Variants in DENND4C observed in about 807,000 individuals in gnomAD.
DENND4C encodes DENN domain containing 4C.
Under a neutral mutation model 203.0 loss-of-function variants are expected in DENND4C, and 108 were observed. That is an observed-to-expected ratio of 0.53 (90% confidence interval 0.46 to 0.62). The LOEUF (loss-of-function observed/expected upper bound fraction) is 0.62. Ranked by LOEUF, DENND4C falls within the 20% of genes least tolerant of loss-of-function variation. DENND4C has a pLI of 0.00. For synonymous variants in DENND4C, 871 were observed against 792.4 expected, an observed-to-expected ratio of 1.10 and a Z score of -1.67; for missense variants, 2,481 against 2,301.2, an observed-to-expected ratio of 1.08 and a Z score of -1.60.
At chr9:19,291,338 T>G (rs1836251767) in intron 5 of DENND4C, 1 of 153,056 alleles carries the variant, frequency 6.5e-6, no homozygotes, top group Non-Finnish European at 1.5e-5. Flanking sequence ...ATGAATAGAT[T>G]GGGAAAAGAA....
chr9:19,320,516 G>T (rs1563800508), intron 12 of DENND4C, among the ~76,000 whole-genome samples: 1 of 152,124 alleles, frequency 6.6e-6, no homozygotes, highest in African/African-American at 2.4e-5. Context: ...TTGAATTCTG[G>T]CATGTATTTT....
chr9:19,235,600 AAG>A (rs1416362966), intron 1 of DENND4C, among the ~76,000 whole-genome samples: 2 of 146,460 alleles, frequency 1.4e-5, no homozygotes, highest in African/African-American at 2.5e-5. Context: ...TGGTTTACAG[AAG>A]AGTCATCTTT....
chr9:19,261,697 A>G (rs1446345861), intron 1 of DENND4C, among the ~76,000 whole-genome samples: 3 of 151,208 alleles, frequency 2.0e-5, no homozygotes, highest in East Asian at 1.9e-4. Context: ...CTTAGAGACA[A>G]CTTCTTGCTA....
chr9:19,281,765 G>A (rs1834088942), intron 2 of DENND4C, among the ~76,000 whole-genome samples: 1 of 152,144 alleles, frequency 6.6e-6, no homozygotes, highest in Admixed American at 6.5e-5. Context: ...ACAAACCTAG[G>A]TGGCATAGCT....
chr9:19,269,866 AC>A (rs1295882047), intron 1 of DENND4C, among the ~76,000 whole-genome samples: 2 of 152,190 alleles, frequency 1.3e-5, no homozygotes, highest in Non-Finnish European at 1.5e-5. Flanking sequence ...GGTAGTCTTC[AC>A]AGTCTGGGCT....
intron 10 of DENND4C, 58 bp downstream of exon 10, chr9:19,305,585 A>G: frequency 6.7e-7 from 1 of 1,502,392 alleles, no homozygotes; most frequent in South Asian, 1.3e-5. Flanking sequence ...GTAGAGTTAC[A>G]GTTCTTTGAA....
intron 17 of DENND4C, 89 bp downstream of exon 17, chr9:19,332,273 C>T: frequency 9.4e-7 from 1 of 1,062,356 alleles, no homozygotes; most frequent in Non-Finnish European, 1.4e-6. Context: ...TTAAAGTGTG[C>T]TCAAGCATTT....
At chr9:19,337,055 T>A (rs1461258012) in intron 20 of DENND4C, among the ~76,000 whole-genome samples, 1 of 152,208 alleles carries the variant, frequency 6.6e-6, no homozygotes, top group Non-Finnish European at 1.5e-5. Context: ...ATGATGCTTC[T>A]TTGTATTTGT....
rs1360327058 is a variant in DENND4C, at chr9:19,356,988, A to G, written c.4798A>G (p.Ser1600Gly). 1 of 1,613,748 alleles carries G rather than the reference A, an allele frequency of 6.2e-7. No homozygotes were observed. Reference protein sequence around the residue: ...RGSASFFLKPSTSGDSLQSGS... With the variant: ...RGSASFFLKPGTSGDSLQSGS... ...CTTATGTAGCTTTTTCCTGAAACCA[A>G]GTACCTCTGGTGACAGTTTACAAAG... The change falls in exon 27 of 33, where the codon AGT becomes GGT. Residue 1600 changes from serine to glycine, a missense_variant. Transcript: ENST00000434457.
In DENND4C at chr9:19,357,051, A is replaced by G. The variant is rs749825676; in HGVS notation, c.4861A>G (p.Lys1621Glu). 6.2e-7 allele frequency: 1 copy of G among 1,614,032 alleles called. No individual in the cohort carries two copies. The highest frequency in any genetic ancestry group is 1.3e-5 in the African/African-American group (1 of 75,048). Residue 1621 changes from lysine to glutamate, a missense_variant, in exon 27 of 33, where the codon AAA (lysine) becomes GAA (glutamate). Coordinates refer to ENST00000434457, the MANE Select transcript of DENND4C (RefSeq NM_001330640.2). ...IPLANESLEH[K>E]PVSSLAEPDL... Reference sequence around the variant, plus strand: ...ATTGGCAAATGAATCCTTGGAGCACAAACCTGTATCCAGTTTAGCAGAACC... The same window carrying G: ...ATTGGCAAATGAATCCTTGGAGCACGAACCTGTATCCAGTTTAGCAGAACC...
At chr9:19,278,571 C>T (rs542671305) in intron 2 of DENND4C, among the ~76,000 whole-genome samples, 2 of 152,088 alleles carry the variant, frequency 1.3e-5, no homozygotes, top group Non-Finnish European at 2.9e-5. Flanking sequence ...AAGTCGGAAT[C>T]CACGAAGGAG....
Position 19,287,216 on chromosome 9 carries a change from C to G in DENND4C, c.558+195C>G, listed in dbSNP as rs142264788. Reference sequence around the variant, plus strand: ...ATTTATAATAATTTCATCTTTAAGTCAGGGATATTTTTGAGGGAGTAAATC... The same window carrying G: ...ATTTATAATAATTTCATCTTTAAGTGAGGGATATTTTTGAGGGAGTAAATC... On this transcript the variant is annotated intron_variant, in intron 3 of 32. Coordinates refer to ENST00000434457, the MANE Select transcript of DENND4C (RefSeq NM_001330640.2). 7.2e-5 allele frequency among the ~76,000 whole-genome samples: 11 copies of G among 152,044 alleles called. No individual in the cohort carries two copies. The East Asian group carries it at 2.1e-3, about 29-fold the overall frequency.
At chr9:19,370,454 C>CAAA (rs202144404) in intron 31 of DENND4C, among the ~76,000 whole-genome samples, 1 of 128,690 alleles carries the variant, frequency 7.8e-6, no homozygotes, top group Non-Finnish European at 1.7e-5. Context: ...AACCCTGTCT[C>CAAA]AAAAAAAAAA....
At chr9:19,282,713 C>G (rs866998890) in intron 2 of DENND4C, among the ~76,000 whole-genome samples, 2 of 71,530 alleles carry the variant, frequency 2.8e-5, no homozygotes, top group Non-Finnish European at 6.2e-5. Flanking sequence ...TTTTTCTTCT[C>G]TCTTTTTTTT....
chr9:19,309,295 G>A (rs1168471549), intron 10 of DENND4C, among the ~76,000 whole-genome samples: 1 of 151,998 alleles, frequency 6.6e-6, no homozygotes, highest in Non-Finnish European at 1.5e-5. Flanking sequence ...GGTGGTGCAT[G>A]CCTGTAATCC....
Position 19,276,262 on chromosome 9 carries a change from A to G in DENND4C, c.88A>G (p.Asn30Asp). The G allele has an allele frequency of 8.1e-7, 1 of 1,232,094 alleles. No homozygotes were observed. Among genetic ancestry groups the G allele is most frequent in the Non-Finnish European group, 1.0e-6 (1 of 987,914 alleles). The allele number at this position is 1,232,094 out of a possible 1,614,324, so 76.3% of individuals were successfully genotyped here. A position where few individuals can be genotyped will look rare whatever the true frequency, so the allele number is the denominator to read the frequency against. ...ATCTACTCTTTTGGATCAAGAAATA[A>G]ATCGTTTAGATACTAAGTCAACTGG... is the stretch of plus-strand genomic sequence containing the variant. ...DTSTLLDQEI[N>D]RLDTKSTGPK... is the part of the protein sequence containing the mutation. The change falls in exon 2 of 33, where the codon AAT (asparagine) becomes GAT (aspartate). Residue 30 changes from asparagine (N) to aspartate (D), a missense_variant. Asn to Asp is a conservative substitution (Grantham distance 23, BLOSUM62 1). Coordinates refer to ENST00000434457, the MANE Select transcript of DENND4C (RefSeq NM_001330640.2).
At chr9:19,349,321 T>C (rs1823580619) in intron 23 of DENND4C, among the ~76,000 whole-genome samples, 1 of 152,078 alleles carries the variant, frequency 6.6e-6, no homozygotes, top group Non-Finnish European at 1.5e-5. Flanking sequence ...GGTGGGAGGA[T>C]AGCTTGAGCC....
At chr9:19,273,567 A>T (rs567741024) in intron 1 of DENND4C, among the ~76,000 whole-genome samples, 244 of 152,160 alleles carry the variant, frequency 1.6e-3, no homozygotes, top group Non-Finnish European at 2.9e-3. Flanking sequence ...AGAATACATA[A>T]AGAACTCAAA....
chr9:19,337,512 C>T, intron 20 of DENND4C: 3 of 715,714 alleles, frequency 4.2e-6, no homozygotes, highest in Non-Finnish European at 5.4e-6. Context: ...CTGAAGTTTC[C>T]TTTTCTCTGC....
Sources: gnomAD v4.1 joint callset for allele counts (sites outside exome capture counted in the v4.1 genomes callset) on GRCh38, gnomAD v4.1.1 for gene constraint, MANE v1.5 for transcripts, NCBI Gene and HGNC (gene_info 2026-07-23, HGNC 2026-07-21) for gene names.